Variants in UGT2A2 observed in about 807,000 individuals in gnomAD.
UGT2A2 encodes UDP glucuronosyltransferase family 2 member A2.
A neutral mutation model predicts 50.7 loss-of-function variants in UGT2A2; 60 were observed. The observed-to-expected ratio is 1.18, with a 90% confidence interval of 0.96 to 1.47. The LOEUF is 1.47. Ranked by LOEUF, UGT2A2 falls within the 40% of genes most tolerant of loss-of-function variation. UGT2A2 has a pLI of 0.00. For missense variants in UGT2A2, 762 were observed against 634.0 expected (o/e 1.20, Z -2.17); for synonymous variants, 242 against 214.6 (o/e 1.13, Z -1.11).
At chr4:69,599,149 C>T (rs1719105670) in intron 2 of UGT2A2, 97 bp downstream of exon 2, 5 of 1,440,960 alleles carry the variant, frequency 3.5e-6, no homozygotes, top group Non-Finnish European at 3.6e-6. Flanking sequence ...ACTGAAATGT[C>T]CAGCAGCATT....
At chr4:69,603,390 C>A (rs1414401311) in intron 1 of UGT2A2, among the ~76,000 whole-genome samples, 1 of 136,712 alleles carries the variant, frequency 7.3e-6, no homozygotes, top group Admixed American at 7.2e-5. Context: ...AGTGATGGGA[C>A]AGCTCCTTAC....
At chr4:69,632,885 C>T (rs866829834) in intron 1 of UGT2A2, among the ~76,000 whole-genome samples, 1 of 87,600 alleles carries the variant, frequency 1.1e-5, no homozygotes, top group African/African-American at 4.0e-5. Context: ...AAGACTCGGT[C>T]AAAAAAAAAA....
At position 69,589,608 on chromosome 4, in the gene UGT2A2, G is replaced by T. The variant is rs1026709013; in HGVS notation, c.1375C>A (p.Gln459Lys). Reference protein sequence around the residue: ...AMRLSRIHHDQPVKPLDRAVF... With the variant: ...AMRLSRIHHDKPVKPLDRAVF... ...GCTCGATCCAGGGGCTTTACAGGTTGATCATGGTGAATTCTTGATAACCTC... is the reference window on the plus strand; with the variant it reads ...GCTCGATCCAGGGGCTTTACAGGTTTATCATGGTGAATTCTTGATAACCTC... Residue 459 changes from glutamine to lysine, a missense_variant, in exon 6 of 6, where the codon CAA (glutamine) becomes AAA (lysine). Transcript: ENST00000604629. 6.2e-7 allele frequency: 1 copy of T among 1,613,898 alleles called. No homozygotes were observed. The highest frequency in any genetic ancestry group is 8.5e-7 in the Non-Finnish European group (1 of 1,179,840).
chr4:69,629,404 T>C (rs1721262961), intron 1 of UGT2A2, among the ~76,000 whole-genome samples: 4 of 152,086 alleles, frequency 2.6e-5, no homozygotes, highest in Admixed American at 2.6e-4. Context: ...TTCCAATCTT[T>C]TGGAATACAG....
chr4:69,599,793 T>C (rs1719161727), intron 1 of UGT2A2: 4 of 153,424 alleles, frequency 2.6e-5, no homozygotes, highest in Admixed American at 6.6e-5. Flanking sequence ...GGAGGGAGGA[T>C]TTTTTGTTAG....
intron 1 of UGT2A2, among the ~76,000 whole-genome samples, chr4:69,603,994 C>T (rs1719455210): frequency 7.3e-6 from 1 of 136,782 alleles, no homozygotes; most frequent in Admixed American, 7.2e-5. Flanking sequence ...AAACACTCTG[C>T]AGGATATTAT....
At chr4:69,620,038 G>T (rs980769372) in intron 1 of UGT2A2, among the ~76,000 whole-genome samples, 1 of 151,962 alleles carries the variant, frequency 6.6e-6, no homozygotes, top group Non-Finnish European at 1.5e-5. Flanking sequence ...ATACTGAATG[G>T]GGAAAAGCTG....
chr4:69,614,065 G>A (rs1583243), intron 1 of UGT2A2, among the ~76,000 whole-genome samples: 121,342 of 151,894 alleles, frequency 0.8, 48,678 homozygotes, highest in African/African-American at 0.87. Flanking sequence ...ATATGATCTT[G>A]TATCTAGAAA....
rs763063281 is a variant in UGT2A2 at position 69,639,435 on chromosome 4, A to T, written c.206T>A (p.Phe69Tyr). 8.1e-6 allele frequency: 13 copies of T among 1,613,148 alleles called. No individual in the cohort carries two copies. The highest frequency in any genetic ancestry group is 1.1e-5 in the Non-Finnish European group (13 of 1,179,576). Residue 69 changes from phenylalanine to tyrosine, a missense_variant, in exon 1 of 6, where the codon TTC becomes TAC. Coordinates refer to ENST00000604629, the MANE Select transcript of UGT2A2 (RefSeq NM_001105677.2). ...AGGAGAATCGGGATTGGAGTTGATG[A>T]ATAGAGTTGCTGATGAAGCCAGTAC... ...VTVLASSATL[F>Y]INSNPDSPVN...
intron 1 of UGT2A2, among the ~76,000 whole-genome samples, chr4:69,601,400 A>G (rs1423302215): frequency 6.6e-6 from 1 of 151,716 alleles, no homozygotes; most frequent in East Asian, 1.9e-4. Flanking sequence ...CCGGAGTACT[A>G]CTCCTGGGTA....
intron 1 of UGT2A2, among the ~76,000 whole-genome samples, chr4:69,611,646 G>T (rs1720065874): frequency 6.6e-6 from 1 of 152,016 alleles, no homozygotes; most frequent in Admixed American, 6.6e-5. Flanking sequence ...TTAAAACTAT[G>T]GGATTATTTT....
At chr4:69,592,042 G>A (rs1452237450) in intron 5 of UGT2A2, among the ~76,000 whole-genome samples, 1 of 152,116 alleles carries the variant, frequency 6.6e-6, no homozygotes, top group Admixed American at 6.6e-5. Context: ...CTGAGTCTTG[G>A]TATGAATCTA....
chr4:69,597,422 C>T lies in UGT2A2; in HGVS notation c.892-1041G>A, dbSNP rs192923276. ...CCTTAGGTAATTACTTATAGTTTTG[C>T]AAATTTGACACTGCAAAATCTGAGA... is the stretch of plus-strand genomic sequence containing the variant. On this transcript the variant is annotated intron_variant, in intron 2 of 5. Transcript: ENST00000604629. Among the ~76,000 whole-genome samples the T allele has an allele frequency of 6.2e-4, 94 of 152,202 alleles. 2 individuals carry two copies. Among genetic ancestry groups the T allele is most frequent in the Admixed American group, 3.4e-3 (52 of 15,278 alleles).
At position 69,589,425 on chromosome 4, in the gene UGT2A2, A is replaced by G; in HGVS notation, c.1558T>C (p.Leu520=). 1 of 1,613,976 alleles carries G rather than the reference A, an allele frequency of 6.2e-7. No homozygotes were observed. The change falls in exon 6 of 6, where the codon TTG becomes CTG. Residue 520 remains leucine, a synonymous_variant. Coordinates refer to ENST00000604629, the MANE Select transcript of UGT2A2 (RefSeq NM_001105677.2). ...TAIFLVIQCC[L]FSCQKFGKIG... ...TTACCAAATTTTTGACAGGAAAACA[A>G]ACAACATTGTATGACCAAAAATATA...
intron 1 of UGT2A2, among the ~76,000 whole-genome samples, chr4:69,604,070 C>T (rs1481200493): frequency 7.4e-6 from 1 of 135,838 alleles, no homozygotes; most frequent in Non-Finnish European, 1.6e-5. Context: ...CAGAGAACGC[C>T]ACAAAGATAC....
Position 69,589,166 on chromosome 4 carries a change from T to G in UGT2A2, c.*206A>C. 2 of 565,990 alleles carry G rather than the reference T, an allele frequency of 3.5e-6. No homozygotes were observed. The highest frequency in any genetic ancestry group is 2.7e-6 in the Non-Finnish European group (1 of 374,040). 35.1% of individuals were successfully genotyped at this position (565,990 alleles called of 1,614,324 possible). A position where few individuals can be genotyped will look rare whatever the true frequency, so the allele number is the denominator to read the frequency against. On this transcript the variant is annotated 3_prime_UTR_variant, in exon 6 of 6. Coordinates refer to ENST00000604629, the MANE Select transcript of UGT2A2 (RefSeq NM_001105677.2). Reference sequence around the variant, plus strand: ...TCAGCAGGGAGAGACAAAGGAAAAATAGAAGACTATAACTCACAAGTTAAT... The same window carrying G: ...TCAGCAGGGAGAGACAAAGGAAAAAGAGAAGACTATAACTCACAAGTTAAT...
intron 1 of UGT2A2, among the ~76,000 whole-genome samples, chr4:69,637,838 C>CT (rs898992750): frequency 3.3e-5 from 5 of 150,126 alleles, no homozygotes; most frequent in East Asian, 2.0e-4. Flanking sequence ...TCAACAAATA[C>CT]TTTTTTTTAC....
chr4:69,616,250 G>A (rs1468413701), intron 1 of UGT2A2, among the ~76,000 whole-genome samples: 1 of 151,812 alleles, frequency 6.6e-6, no homozygotes, highest in Non-Finnish European at 1.5e-5. Flanking sequence ...GGGGTGGGGA[G>A]GGTATAAAGA....
At chr4:69,597,448 T>G (rs1034954272) in intron 2 of UGT2A2, among the ~76,000 whole-genome samples, 2 of 152,198 alleles carry the variant, frequency 1.3e-5, no homozygotes, top group Non-Finnish European at 2.9e-5. Flanking sequence ...AAATCTGAGA[T>G]TAAGGCCTTT....
Sources: allele counts gnomAD v4.1 joint callset (sites outside exome capture counted in the v4.1 genomes callset), GRCh38; gene constraint gnomAD v4.1.1; transcripts MANE v1.5; gene names NCBI Gene and HGNC (gene_info 2026-07-23, HGNC 2026-07-21).